PNLDC1: variants seen among roughly 807,000 people sequenced by gnomAD.
PNLDC1 encodes PARN like ribonuclease domain containing exonuclease 1.
PNLDC1 carries 70 observed loss-of-function variants against 82.0 expected under a neutral mutation model. The ratio of observed to expected loss-of-function variants is 0.85; its 90% confidence interval spans 0.70 to 1.04. The LOEUF (loss-of-function observed/expected upper bound fraction) is 1.04, where lower values mean the gene tolerates loss of function less well. PNLDC1 is among the 50% of genes least tolerant of loss of function. The pLI is 0.00. For synonymous variants in PNLDC1, 280 were observed against 249.3 expected (o/e 1.12, Z -1.16); for missense variants, 631 against 661.1 (o/e 0.95, Z 0.50).
chr6:159,817,172 T>A, intron 15 of PNLDC1, 21 bp downstream of exon 15: 1 of 1,602,752 alleles, frequency 6.2e-7, no homozygotes, highest in South Asian at 1.1e-5. Context: ...TTTCTTTTCA[T>A]CCTACTGTTC....
chr6:159,805,361 G>C (rs935100496), intron 6 of PNLDC1, among the ~76,000 whole-genome samples: 2 of 152,182 alleles, frequency 1.3e-5, no homozygotes, highest in East Asian at 1.9e-4. Context: ...TATCAGGAAG[G>C]GGGAGATTAA....
At position 159,806,020 on chromosome 6, in the gene PNLDC1, G is replaced by A. The variant is rs377341454; in HGVS notation, c.499G>A (p.Glu167Lys). The A allele has an allele frequency of 1.9e-5, 30 of 1,614,040 alleles. No individual in the cohort carries two copies. The highest frequency in any genetic ancestry group is 2.4e-5 in the Non-Finnish European group (28 of 1,180,032). ...DKDQIKVVIDEVTRWLELAKE... is the reference protein window; with the variant it reads ...DKDQIKVVIDKVTRWLELAKE... ...AGACCAAATCAAGGTGGTGATTGACGAAGTGACGCGGTGGCTGGAGCTGGC... is the reference window on the plus strand; with the variant it reads ...AGACCAAATCAAGGTGGTGATTGACAAAGTGACGCGGTGGCTGGAGCTGGC... Residue 167 changes from glutamate to lysine, a missense_variant, in exon 7 of 19, where the codon GAA (glutamate) becomes AAA (lysine). Glu to Lys is a moderately conservative substitution (Grantham distance 56). Transcript: ENST00000392167.
intron 7 of PNLDC1, 92 bp from the exon 8 acceptor site, chr6:159,808,648 C>G: frequency 3.3e-6 from 4 of 1,215,210 alleles, no homozygotes; most frequent in Non-Finnish European, 4.7e-6. Context: ...CTTGACCTTT[C>G]CATCTCAGCT....
rs984988388 is a variant in PNLDC1, at chr6:159,811,860, T to G, written c.939+74T>G. ...TAACACTTAGCTTTCTCTTGTGGGG[T>G]TTTTTTCTTGTGTTTTTTTGTTTTT... On this transcript the variant is annotated intron_variant, in intron 11 of 18. Coordinates refer to ENST00000392167, the MANE Select transcript of PNLDC1 (RefSeq NM_001271862.2). 4 of 1,165,310 alleles carry G rather than the reference T, an allele frequency of 3.4e-6. No homozygotes were observed. The South Asian group carries it at 4.0e-5, about 12-fold the overall frequency. The allele number at this position is 1,165,310 out of a possible 1,614,324, so 72.2% of individuals were successfully genotyped here. A position where few individuals can be genotyped will look rare whatever the true frequency, so the allele number is the denominator to read the frequency against.
At chr6:159,800,744 G>A (rs773824918) in intron 1 of PNLDC1, 28 bp from the exon 2 acceptor site, 1 of 1,614,232 alleles carries the variant, frequency 6.2e-7, no homozygotes, top group Non-Finnish European at 8.5e-7. Context: ...CTGCACCCGA[G>A]GACTGCTATT....
At chr6:159,800,577 T>G in intron 1 of PNLDC1, 194 bp downstream of exon 1, 1 of 1,463,200 alleles carries the variant, frequency 6.8e-7, no homozygotes, top group Non-Finnish European at 9.3e-7. Flanking sequence ...CCACGTCCCT[T>G]GTTGGCCAGA....
At position 159,819,072 on chromosome 6, in the gene PNLDC1, A is replaced by C. The variant is rs1220302684; in HGVS notation, c.1384A>C (p.Arg462=). The change falls in exon 17 of 19, where the codon AGG becomes CGG. Residue 462 remains arginine (R), a synonymous_variant. Transcript: ENST00000392167. This position sits in a 1 kb window ranked among gnomAD's most constrained non-coding sequence, Gnocchi z 4.6. ...KFQNLCKFDV[R]RLTRSQFLLL... ...TCAGAATCTCTGCAAGTTTGATGTC[A>C]GGCGACTCACAAGAAGCCAGTTCTT... The C allele has an allele frequency of 6.2e-7, 1 of 1,613,936 alleles. No homozygotes were observed. Among genetic ancestry groups the C allele is most frequent in the African/African-American group, 1.3e-5 (1 of 74,912 alleles).
In PNLDC1 at chr6:159,819,064, T is replaced by C. The variant is rs758039151; in HGVS notation, c.1376T>C (p.Phe459Ser). ...CATAAGTTTCAGAATCTCTGCAAGT[T>C]TGATGTCAGGCGACTCACAAGAAGC... ...VYHKFQNLCK[F>S]DVRRLTRSQF... Residue 459 changes from phenylalanine to serine, a missense_variant, in exon 17 of 19, where the codon TTT (phenylalanine) becomes TCT (serine). Transcript: ENST00000392167. This position sits in a 1 kb window ranked among gnomAD's most constrained non-coding sequence, Gnocchi z 4.6. 1.2e-5 allele frequency: 19 copies of C among 1,613,900 alleles called. No homozygotes were observed. The highest frequency in any genetic ancestry group is 5.0e-5 in the Admixed American group (3 of 59,992).
chr6:159,813,143 G>C (rs138669934), intron 11 of PNLDC1, among the ~76,000 whole-genome samples: 2 of 152,194 alleles, frequency 1.3e-5, no homozygotes, highest in African/African-American at 4.8e-5. Flanking sequence ...AGATGGGAGT[G>C]GGGTCTGTGG....
upstream of PNLDC1, chr6:159,800,215 C>A: frequency 1.6e-6 from 2 of 1,259,962 alleles, no homozygotes; most frequent in African/African-American, 1.5e-5. Context: ...TCCATGTGTG[C>A]GCCCTTTAAG....
upstream of PNLDC1, among the ~76,000 whole-genome samples, chr6:159,799,707 C>T (rs149494909): frequency 1.3e-5 from 2 of 152,134 alleles, no homozygotes; most frequent in African/African-American, 4.8e-5. Flanking sequence ...TCCCTGGGGA[C>T]CAAGGATTCC....
At position 159,819,429 on chromosome 6, in the gene PNLDC1, G is replaced by A; in HGVS notation, c.1532+77G>A. 3.8e-6 allele frequency: 5 copies of A among 1,303,240 alleles called. No individual in the cohort carries two copies. The highest frequency in any genetic ancestry group is 5.4e-6 in the Non-Finnish European group (5 of 930,784). The allele number at this position is 1,303,240 out of a possible 1,614,324, so 80.7% of individuals were successfully genotyped here. A position where few individuals can be genotyped will look rare whatever the true frequency, so the allele number is the denominator to read the frequency against. On this transcript the variant is annotated intron_variant, in intron 18 of 18. Transcript: ENST00000392167. The surrounding 1 kb of genome is among the most constrained non-coding windows in gnomAD (Gnocchi z 4.6). ...GGGTCCCAGCATCCCAGCATGGTCTGACTCGAGCACAGCTCACTTGCTGGT... is the reference window on the plus strand; with the variant it reads ...GGGTCCCAGCATCCCAGCATGGTCTAACTCGAGCACAGCTCACTTGCTGGT...
intron 12 of PNLDC1, among the ~76,000 whole-genome samples, chr6:159,814,375 G>A (rs1021267953): frequency 5.3e-5 from 8 of 152,044 alleles, no homozygotes; most frequent in South Asian, 2.1e-4. Flanking sequence ...CTCCTCAACC[G>A]TGTTCCTGCT....
chr6:159,804,799 A>G (rs1018285412), intron 6 of PNLDC1, among the ~76,000 whole-genome samples, 162 bp downstream of exon 6: 2 of 152,308 alleles, frequency 1.3e-5, no homozygotes, highest in East Asian at 3.9e-4. Context: ...CCTGTGCCCC[A>G]ACTGAGAATG....
At chr6:159,816,650 G>A in intron 14 of PNLDC1, 54 bp downstream of exon 14, 1 of 1,315,210 alleles carries the variant, frequency 7.6e-7, no homozygotes, top group Non-Finnish European at 1.1e-6. Flanking sequence ...TTTTTTTTCT[G>A]AGACAGGGTC....
chr6:159,818,420 A>C (rs1380436514), intron 15 of PNLDC1, 135 bp from the exon 16 acceptor site: 3 of 741,558 alleles, frequency 4.0e-6, no homozygotes, highest in Admixed American at 4.3e-5. Context: ...GAGCCCCAAG[A>C]CTTGTGAGGG....
intron 5 of PNLDC1, 94 bp from the exon 6 acceptor site, chr6:159,804,455 C>G (rs565663491): frequency 2.3e-6 from 2 of 863,058 alleles, no homozygotes; most frequent in South Asian, 1.6e-5. Context: ...AGCCCGTCTC[C>G]TTTCCCCTTT....
At chr6:159,815,068 A>G (rs1482616445) in intron 12 of PNLDC1, among the ~76,000 whole-genome samples, 1 of 152,244 alleles carries the variant, frequency 6.6e-6, no homozygotes, top group African/African-American at 2.4e-5. Context: ...GTCACACACC[A>G]TCTCCATTCA....
intron 13 of PNLDC1, 89 bp downstream of exon 13, chr6:159,816,122 A>ACCCCTCCCCCCCCACCCGCCACC (rs1781808912): frequency 7.6e-6 from 4 of 526,740 alleles, no homozygotes; most frequent in Non-Finnish European, 7.4e-6. Flanking sequence ...GTTCCCCCAC[A>ACCCCTCCCCCCCCACCCGCCACC]CCCCTCCCCA....
Sources: allele counts gnomAD v4.1 joint callset (sites outside exome capture counted in the v4.1 genomes callset), GRCh38; gene constraint gnomAD v4.1.1; non-coding constraint Gnocchi (gnomAD v3.1); transcripts MANE v1.5; gene names NCBI Gene and HGNC (gene_info 2026-07-23, HGNC 2026-07-21).